PBX3: variants seen among roughly 807,000 people sequenced by gnomAD.
PBX3 encodes the protein PBX homeobox 3.
In PBX3, 14 loss-of-function variants were observed where a neutral mutation model predicts 48.5. The observed-to-expected ratio is 0.29, with a 90% CI of 0.19 to 0.45. PBX3 has a LOEUF of 0.45. Among genes scored for constraint, PBX3 ranks in the 20% least tolerant of loss-of-function variants. PBX3 has a pLI of 1.00. For synonymous variants in PBX3, 210 were observed against 200.3 expected (o/e 1.05, Z -0.41); for missense variants, 386 against 546.7 (o/e 0.71, Z 2.93).
chr9:125,941,691 A>C (rs1316343722), intron 5 of PBX3, among the ~76,000 whole-genome samples: 2 of 152,216 alleles, frequency 1.3e-5, no homozygotes, highest in African/African-American at 4.8e-5. Flanking sequence ...TCTTTTACCT[A>C]ACACCCTGAA....
At chr9:125,863,578 C>T (rs1009179670) in intron 2 of PBX3, among the ~76,000 whole-genome samples, 2 of 152,044 alleles carry the variant, frequency 1.3e-5, no homozygotes, top group African/African-American at 4.8e-5. Context: ...ATAGTAGATA[C>T]TTTCTAAGAG....
rs371715382 is a variant in PBX3 at position 125,765,295 on chromosome 9, C to T, written c.274+16672C>T. Among the ~76,000 whole-genome samples, 21 of 151,858 alleles carry T rather than the reference C, an allele frequency of 1.4e-4. No individual in the cohort carries two copies. The South Asian group carries it at 3.1e-3, about 23-fold the overall frequency. On this transcript the variant is annotated intron_variant, in intron 2 of 8. Coordinates refer to ENST00000373489, the MANE Select transcript of PBX3 (RefSeq NM_006195.6). ...TCCCGAATAGTCAAGACTACAGGCG[C>T]GCGCCACTGTGCCCTGCTAATTTTT...
rs757944367 is a variant in PBX3 at position 125,962,125 on chromosome 9, C to T, written c.1033C>T (p.Pro345Ser). Residue 345 changes from proline (P) to serine (S), a missense_variant, in exon 7 of 9, where the codon CCA (proline) becomes TCA (serine). By Grantham distance (74) the Pro-to-Ser change is moderately conservative. This residue lies in a region of PBX3 where 127 missense variants were observed against 143.3 expected (regional missense o/e 0.89). Transcript: ENST00000373489. Reference protein sequence around the residue: ...NSGSSGSFNLPNSGDMFMNMQ... With the variant: ...NSGSSGSFNLSNSGDMFMNMQ... ...AGGTTCTTCTGGTTCTTTTAACCTC[C>T]CAAATTCTGGGGACATGTTCATGAA... The T allele has an allele frequency of 8.7e-6, 14 of 1,610,000 alleles. No individual in the cohort carries two copies. The African/African-American group carries it at 1.7e-4, about 20-fold the overall frequency.
chr9:125,922,644 A>G (rs991100985), intron 3 of PBX3, among the ~76,000 whole-genome samples: 5 of 152,202 alleles, frequency 3.3e-5, no homozygotes, highest in African/African-American at 4.8e-5. Flanking sequence ...TGAGCATTCT[A>G]TATTATAAAT....
intron 2 of PBX3, among the ~76,000 whole-genome samples, chr9:125,825,977 TTA>T (rs1449186684): frequency 2.0e-5 from 3 of 152,222 alleles, no homozygotes; most frequent in Admixed American, 2.0e-4. Context: ...GGGAGATACT[TTA>T]TAAATGTTAG....
At position 125,953,464 on chromosome 9, in the gene PBX3, G is replaced by A. The variant is rs150997026; in HGVS notation, c.844-7220G>A. ...TGCACTTCAGCCTGCGCAACAGAGC[G>A]AGACCCTGTCTCAAAAAAAAAAAAA... is the stretch of plus-strand genomic sequence containing the variant. On this transcript the variant is annotated intron_variant, in intron 5 of 8. Transcript: ENST00000373489. Among the ~76,000 whole-genome samples the A allele has an allele frequency of 3.8e-4, 49 of 128,294 alleles. 1 individual carries two copies. The East Asian group carries it at 0.011, about 28-fold the overall frequency. 84.2% of individuals were successfully genotyped at this position (128,294 alleles called of 152,430 possible).
Position 125,886,279 on chromosome 9 carries a change from C to A in PBX3, c.275-29407C>A, listed in dbSNP as rs552862624. On this transcript the variant is annotated intron_variant, in intron 2 of 8. Coordinates refer to ENST00000373489, the MANE Select transcript of PBX3 (RefSeq NM_006195.6). ...TATATTCTATAGCACTGTCTCAAAA[C>A]CCACTGTGGAATAGTTTATATAGGC... Among the ~76,000 whole-genome samples the A allele has an allele frequency of 1.1e-4, 17 of 152,152 alleles. No individual in the cohort carries two copies. In the South Asian group the frequency reaches 3.3e-3, roughly 30 times the overall value.
chr9:125,871,399 T>TA (rs1840122211), intron 2 of PBX3, among the ~76,000 whole-genome samples: 1 of 144,536 alleles, frequency 6.9e-6, no homozygotes, highest in Non-Finnish European at 1.5e-5. Flanking sequence ...AAAAAAAATC[T>TA]AAAAAAACCC....
chr9:125,933,645 C>T (rs1841769930), intron 4 of PBX3, among the ~76,000 whole-genome samples: 1 of 152,042 alleles, frequency 6.6e-6, no homozygotes, highest in Admixed American at 6.5e-5. Flanking sequence ...CAGGGAGGGA[C>T]AAGGAGGGTT....
intron 2 of PBX3, among the ~76,000 whole-genome samples, chr9:125,877,545 C>A (rs555903529): frequency 1.3e-5 from 2 of 152,128 alleles, no homozygotes; most frequent in Non-Finnish European, 2.9e-5. Flanking sequence ...CTCTCCTTTT[C>A]TCAGTTTTCT....
intron 5 of PBX3, among the ~76,000 whole-genome samples, chr9:125,950,809 G>GA (rs928116941): frequency 2.0e-5 from 3 of 151,864 alleles, no homozygotes; most frequent in South Asian, 2.1e-4. Flanking sequence ...TCTTAGAAGA[G>GA]AAAAAAAATT....
chr9:125,802,085 C>T (rs535083289), intron 2 of PBX3, among the ~76,000 whole-genome samples: 1 of 152,190 alleles, frequency 6.6e-6, no homozygotes, highest in South Asian at 2.1e-4. Context: ...AACAGCAAAA[C>T]TTATTTTTAT....
intron 2 of PBX3, 49 bp downstream of exon 2, chr9:125,748,672 TCGGAGCTA>T: frequency 1.4e-6 from 2 of 1,422,520 alleles, no homozygotes; most frequent in Non-Finnish European, 2.0e-6. Context: ...GAGGTGGGGG[TCGGAGCTA>T]CTCCTTCGAC....
chr9:125,939,333 A>G (rs983546407), intron 5 of PBX3, among the ~76,000 whole-genome samples: 2 of 152,208 alleles, frequency 1.3e-5, no homozygotes, highest in African/African-American at 2.4e-5. Flanking sequence ...AAGAAAAAAT[A>G]GAAATGGTCA....
intron 2 of PBX3, among the ~76,000 whole-genome samples, chr9:125,860,432 A>G (rs1334891295): frequency 6.6e-6 from 1 of 152,222 alleles, no homozygotes; most frequent in Non-Finnish European, 1.5e-5. Flanking sequence ...TAGAAAACTA[A>G]AGAACTCTAG....
Position 125,774,520 on chromosome 9 carries a change from G to A in PBX3, c.274+25897G>A, listed in dbSNP as rs537202652. 2.6e-5 allele frequency among the ~76,000 whole-genome samples: 4 copies of A among 152,110 alleles called. No homozygotes were observed. In the South Asian group the frequency reaches 8.3e-4, roughly 32 times the overall value. ...TACAGTATTTGGTTCTTTGTGACTG[G>A]CATCTTTCACTTAATGTTTTTAAGG... is the stretch of plus-strand genomic sequence containing the variant. On this transcript the variant is annotated intron_variant, in intron 2 of 8. Transcript: ENST00000373489.
chr9:125,856,839 C>A (rs1290297104), intron 2 of PBX3, among the ~76,000 whole-genome samples: 1 of 152,100 alleles, frequency 6.6e-6, no homozygotes, highest in Non-Finnish European at 1.5e-5. Flanking sequence ...TTTGAATATA[C>A]TTCTGTAATT....
chr9:125,814,259 G>A, intron 2 of PBX3, among the ~76,000 whole-genome samples: 2 of 128,056 alleles, frequency 1.6e-5, no homozygotes, highest in Non-Finnish European at 3.3e-5. Context: ...TGTTCTCGCA[G>A]TTATTATATT....
At chr9:125,919,359 A>ATTTTTTTTTTTT (rs34891465) in intron 3 of PBX3, among the ~76,000 whole-genome samples, 51 of 102,750 alleles carry the variant, frequency 5.0e-4, no homozygotes, top group African/African-American at 1.6e-3. Context: ...TGCCCGTCTA[A>ATTTTTTTTTTTT]TTTTTTTTTT....
Sources: allele counts gnomAD v4.1 joint callset (sites outside exome capture counted in the v4.1 genomes callset), GRCh38; gene constraint gnomAD v4.1.1; regional missense constraint gnomAD v4.1.1; transcripts MANE v1.5; gene names NCBI Gene and HGNC (gene_info 2026-07-23, HGNC 2026-07-21).